The following TCF7L1 variants were observed in gnomAD, a reference collection of about 807,000 sequenced individuals.
TCF7L1 encodes transcription factor 7-like 1.
In TCF7L1, 18 loss-of-function variants were observed where a neutral mutation model predicts 63.7. That is an observed-to-expected ratio of 0.28 (90% confidence interval 0.20 to 0.42). TCF7L1 has a LOEUF of 0.42. TCF7L1 is among the 10% of genes least tolerant of loss of function. The pLI, the probability that TCF7L1 is intolerant of heterozygous loss-of-function variation, is 1.00. For synonymous variants in TCF7L1, 355 were observed against 340.9 expected (o/e 1.04, Z -0.46); for missense variants, 654 against 779.3 (o/e 0.84, Z 1.91).
chr2:85,134,249 C>T lies in TCF7L1; in HGVS notation c.314-74C>T, dbSNP rs1278694169. 6.7e-6 allele frequency: 10 copies of T among 1,484,078 alleles called. No homozygotes were observed. The highest frequency in any genetic ancestry group is 1.4e-5 in the African/African-American group (1 of 70,122). The allele number at this position is 1,484,078 out of a possible 1,614,324, so 91.9% of individuals were successfully genotyped here. A position where few individuals can be genotyped will look rare whatever the true frequency, so the allele number is the denominator to read the frequency against. ...GGGGGGCGCTGGGGTCCCCAGCTCC[C>T]GCCTCGAGCCCCCTGCCGCGGCGCT... On this transcript the variant is annotated intron_variant, in intron 2 of 11. Coordinates refer to ENST00000282111, the MANE Select transcript of TCF7L1 (RefSeq NM_031283.3). This position sits in a 1 kb window ranked among gnomAD's most constrained non-coding sequence, Gnocchi z 5.0.
chr2:85,267,770 T>A (rs377506446), intron 3 of TCF7L1, among the ~76,000 whole-genome samples: 2 of 152,086 alleles, frequency 1.3e-5, no homozygotes, highest in African/African-American at 4.8e-5. Context: ...CATCAACTTA[T>A]AAGGCTGTGG....
intron 4 of TCF7L1, among the ~76,000 whole-genome samples, chr2:85,284,614 C>T (rs1481460728): frequency 6.6e-6 from 1 of 152,168 alleles, no homozygotes; most frequent in African/African-American, 2.4e-5. Flanking sequence ...GATGCACTCA[C>T]CCCACAAGCT....
intron 3 of TCF7L1, among the ~76,000 whole-genome samples, chr2:85,282,778 C>CAG (rs144727177): frequency 2.6e-4 from 28 of 106,176 alleles, no homozygotes; most frequent in South Asian, 2.4e-3. Context: ...TGTGCCATGC[C>CAG]AGAGAGAGAG....
Position 85,299,955 on chromosome 2 carries a change from G to A in TCF7L1, c.526-2529G>A, listed in dbSNP as rs113273066. Reference sequence around the variant, plus strand: ...GGAGATATGCCAAAATGACCATAGCGACAGGGTTAGGATGGTGCAGTTATG... The same window carrying A: ...GGAGATATGCCAAAATGACCATAGCAACAGGGTTAGGATGGTGCAGTTATG... On this transcript the variant is annotated intron_variant, in intron 4 of 11. Transcript: ENST00000282111. Among the ~76,000 whole-genome samples the A allele has an allele frequency of 2.7e-4, 41 of 150,244 alleles. 1 individual carries two copies. The highest frequency in any genetic ancestry group is 9.3e-4 in the African/African-American group (38 of 40,740).
At chr2:85,147,250 A>G (rs1677900598) in intron 3 of TCF7L1, among the ~76,000 whole-genome samples, 1 of 152,220 alleles carries the variant, frequency 6.6e-6, no homozygotes, top group African/African-American at 2.4e-5. Context: ...CCAAGGTTGC[A>G]GCAGGTCCTT....
rs1040318518 is a variant in TCF7L1 at position 85,238,646 on chromosome 2, G to A, written c.442-44849G>A. 4.0e-5 allele frequency among the ~76,000 whole-genome samples: 6 copies of A among 151,872 alleles called. No individual in the cohort carries two copies. The East Asian group carries it at 5.8e-4, about 15-fold the overall frequency. ...CATGGATATCACATTCTGCTGGGGGGAAACAGAGAGTGAACAGATGGAAAC... is the reference window on the plus strand; with the variant it reads ...CATGGATATCACATTCTGCTGGGGGAAAACAGAGAGTGAACAGATGGAAAC... On this transcript the variant is annotated intron_variant, in intron 3 of 11. Transcript: ENST00000282111.
Position 85,133,755 on chromosome 2 carries a change from G to A in TCF7L1, c.71G>A (p.Gly24Glu), listed in dbSNP as rs1677516816. 5 of 1,238,562 alleles carry A rather than the reference G, an allele frequency of 4.0e-6. No individual in the cohort carries two copies. Among genetic ancestry groups the A allele is most frequent in the Non-Finnish European group, 5.0e-6 (5 of 991,038 alleles). 76.7% of individuals were successfully genotyped at this position (1,238,562 alleles called of 1,614,324 possible). ...GSGGGGGSSAGAAGGGDDLGA... is the reference protein window; with the variant it reads ...GSGGGGGSSAEAAGGGDDLGA... ...GGGGGAGGCGGCGGCTCCAGCGCCG[G>A]GGCGGCCGGCGGAGGGGACGACCTC... The change falls in exon 1 of 12, where the codon GGG becomes GAG. Residue 24 changes from glycine (G) to glutamate (E), a missense_variant. Physicochemically the swap from Gly to Glu is moderately conservative, Grantham distance 98 (BLOSUM62 -2). Coordinates refer to ENST00000282111, the MANE Select transcript of TCF7L1 (RefSeq NM_031283.3). The surrounding 1 kb of genome is among the most constrained non-coding windows in gnomAD (Gnocchi z 4.4).
chr2:85,142,616 G>A (rs779171457), intron 3 of TCF7L1, among the ~76,000 whole-genome samples: 5 of 152,026 alleles, frequency 3.3e-5, no homozygotes, highest in Non-Finnish European at 5.9e-5. Context: ...ATAGAAAACC[G>A]TCCCAGATTG....
chr2:85,261,323 G>A (rs1237791625), intron 3 of TCF7L1, among the ~76,000 whole-genome samples: 2 of 152,190 alleles, frequency 1.3e-5, no homozygotes, highest in African/African-American at 4.8e-5. Flanking sequence ...TATTACACAG[G>A]CCAGACCTCT....
intron 3 of TCF7L1, among the ~76,000 whole-genome samples, chr2:85,155,359 A>G (rs1010865165): frequency 3.3e-5 from 5 of 152,182 alleles, no homozygotes; most frequent in African/African-American, 1.2e-4. Context: ...CGCTCTGTGG[A>G]AGCTTTGTTC....
At chr2:85,161,722 G>A (rs980589931) in intron 3 of TCF7L1, among the ~76,000 whole-genome samples, 4 of 152,196 alleles carry the variant, frequency 2.6e-5, no homozygotes, top group Admixed American at 6.5e-5. Flanking sequence ...TGTGGCCTGC[G>A]GGTTTGTGGT....
chr2:85,142,464 GT>G (rs1405324469), intron 3 of TCF7L1, among the ~76,000 whole-genome samples: 1 of 119,230 alleles, frequency 8.4e-6, no homozygotes, highest in African/African-American at 3.1e-5. Context: ...GTGTGTGTGT[GT>G]TGTGTGTATA....
At chr2:85,170,970 A>G (rs1250388836) in intron 3 of TCF7L1, among the ~76,000 whole-genome samples, 3 of 152,182 alleles carry the variant, frequency 2.0e-5, no homozygotes, top group Non-Finnish European at 4.4e-5. Flanking sequence ...TTGGTTTTTT[A>G]GACTTTGGGA....
At chr2:85,273,185 C>A (rs1386990145) in intron 3 of TCF7L1, among the ~76,000 whole-genome samples, 1 of 152,234 alleles carries the variant, frequency 6.6e-6, no homozygotes, top group East Asian at 1.9e-4. Flanking sequence ...AGCGCACAGA[C>A]TCAGCCTCAG....
chr2:85,214,002 AC>A (rs1427448168), intron 3 of TCF7L1, among the ~76,000 whole-genome samples: 1 of 151,730 alleles, frequency 6.6e-6, no homozygotes, highest in Admixed American at 6.6e-5. Flanking sequence ...TGCCATTCTC[AC>A]CCCGGAACGC....
chr2:85,223,232 C>T (rs557471835), intron 3 of TCF7L1, among the ~76,000 whole-genome samples: 14 of 152,318 alleles, frequency 9.2e-5, no homozygotes, highest in South Asian at 2.1e-4. Context: ...TAGGTGTGTG[C>T]CATCACGCCC....
Position 85,152,425 on chromosome 2 carries a change from TTC to T in TCF7L1, c.441+17987_441+17988del, listed in dbSNP as rs201051651. Among the ~76,000 whole-genome samples, 1,413 of 143,846 alleles carry T rather than the reference TTC, an allele frequency of 9.8e-3. 220 individuals are homozygous for T. The highest frequency in any genetic ancestry group is 0.017 in the Middle Eastern group (5 of 286). 94.4% of individuals were successfully genotyped at this position (143,846 alleles called of 152,430 possible). A position where few individuals can be genotyped will look rare whatever the true frequency, so the allele number is the denominator to read the frequency against. ...TTATTTGCTCTAAAAGGATATACCA[TTC>T]TCTCTCTCTCTTTTTTTTTTTTTTT... On this transcript the variant is annotated intron_variant, in intron 3 of 11. Transcript: ENST00000282111.
intron 3 of TCF7L1, among the ~76,000 whole-genome samples, chr2:85,174,250 T>C (rs1456879919): frequency 6.6e-6 from 1 of 152,232 alleles, no homozygotes; most frequent in Admixed American, 6.5e-5. Flanking sequence ...GTCTTTGTGA[T>C]TGGTGTCTTT....
chr2:85,273,332 C>T (rs1393999780), intron 3 of TCF7L1, among the ~76,000 whole-genome samples: 1 of 152,232 alleles, frequency 6.6e-6, no homozygotes, highest in Non-Finnish European at 1.5e-5. Flanking sequence ...CTCCCCCATC[C>T]CCGCCATCCA....
Sources: gnomAD v4.1 joint callset for allele counts (sites outside exome capture counted in the v4.1 genomes callset) on GRCh38, gnomAD v4.1.1 for gene constraint, Gnocchi (gnomAD v3.1) non-coding constraint, MANE v1.5 for transcripts, NCBI Gene and HGNC (gene_info 2026-07-23, HGNC 2026-07-21) for gene names.